SORL1: variants seen among roughly 807,000 people sequenced by gnomAD.
SORL1 encodes sortilin related receptor 1, also known as sortilin-related receptor.
Under a neutral mutation model 273.7 loss-of-function variants are expected in SORL1, and 127 were observed. The observed-to-expected ratio is 0.46, with a 90% confidence interval of 0.40 to 0.54. The LOEUF is 0.54. SORL1 is among the 20% of genes least tolerant of loss of function. SORL1 has a pLI of 0.00. For missense variants in SORL1, 2,494 were observed against 2,846.1 expected (o/e 0.88, Z 2.81); for synonymous variants, 1,031 against 1,067.4 (o/e 0.97, Z 0.66).
chr11:121,464,312 C>T (rs1004404058), intron 1 of SORL1, among the ~76,000 whole-genome samples: 5 of 152,158 alleles, frequency 3.3e-5, no homozygotes, highest in Non-Finnish European at 5.9e-5. Flanking sequence ...ATACAGATTT[C>T]GGTGGTTTTA....
intron 32 of SORL1, among the ~76,000 whole-genome samples, chr11:121,602,945 G>C (rs966972219): frequency 2.6e-5 from 4 of 152,200 alleles, no homozygotes; most frequent in African/African-American, 9.7e-5. Context: ...CTCATGTTCA[G>C]CCTCCTTTTG....
intron 12 of SORL1, among the ~76,000 whole-genome samples, chr11:121,536,735 C>A (rs568139439): frequency 1.3e-5 from 2 of 151,880 alleles, no homozygotes; most frequent in African/African-American, 4.8e-5. Context: ...GTTAAGAAAC[C>A]GAGAAACGGA....
In SORL1 at chr11:121,573,472, G is replaced by C. The variant is rs370008213; in HGVS notation, c.3338-769G>C. The stretch of plus-strand genomic sequence containing the variant: ...ACTAAAAATACAAAAATTAACTGGG[G>C]CTGGTGGTGGGTGCCTGTAATCCCA... On this transcript the variant is annotated intron_variant, in intron 23 of 47. Coordinates refer to ENST00000260197, the MANE Select transcript of SORL1 (RefSeq NM_003105.6). Among the ~76,000 whole-genome samples the C allele has an allele frequency of 7.9e-5, 12 of 152,232 alleles. No individual in the cohort carries two copies. In the East Asian group the frequency reaches 2.3e-3, roughly 29 times the overall value.
At chr11:121,545,534 A>G (rs950414887) in intron 14 of SORL1, 105 bp downstream of exon 14, 38 of 1,005,544 alleles carry the variant, frequency 3.8e-5, no homozygotes, top group Non-Finnish European at 5.2e-5. Context: ...AAGGAAGGGA[A>G]TAGAAGGAAA....
At chr11:121,533,413 A>C (rs1862228822) in intron 12 of SORL1, among the ~76,000 whole-genome samples, 1 of 152,160 alleles carries the variant, frequency 6.6e-6, no homozygotes, top group African/African-American at 2.4e-5. Context: ...CATTCTTTGC[A>C]ATATATTGTT....
intron 22 of SORL1, among the ~76,000 whole-genome samples, 188 bp from the exon 23 acceptor site, chr11:121,569,969 C>T (rs1434142073): frequency 6.6e-6 from 1 of 152,060 alleles, no homozygotes; most frequent in Non-Finnish European, 1.5e-5. Context: ...ATTTCTCAGA[C>T]CGGCCGACAC....
chr11:121,523,001 C>A lies in SORL1; in HGVS notation c.1596+12C>A, dbSNP rs749675000. On this transcript the variant is annotated intron_variant, in intron 11 of 47. Transcript: ENST00000260197. ...CCAGGTGGCGAGAGGTCAGCCCCCT[C>A]CCCCAATCCCGTCCCCTCCACCCTC... 3.8e-6 allele frequency: 6 copies of A among 1,573,050 alleles called. No individual in the cohort carries two copies. Among genetic ancestry groups the A allele is most frequent in the Non-Finnish European group, 5.2e-6 (6 of 1,142,924 alleles).
At chr11:121,461,263 G>A (rs1241589924) in intron 1 of SORL1, among the ~76,000 whole-genome samples, 1 of 152,170 alleles carries the variant, frequency 6.6e-6, no homozygotes, top group Non-Finnish European at 1.5e-5. Context: ...GTGGTGATGG[G>A]TGGGCTGGAG....
At chr11:121,600,780 C>T (rs1450863270) in intron 32 of SORL1, among the ~76,000 whole-genome samples, 1 of 152,242 alleles carries the variant, frequency 6.6e-6, no homozygotes, top group Non-Finnish European at 1.5e-5. Flanking sequence ...CCCCTGAAGG[C>T]GACTAAGTTC....
At chr11:121,489,906 G>C (rs950218259) in intron 4 of SORL1, 137 bp from the exon 5 acceptor site, 4 of 651,216 alleles carry the variant, frequency 6.1e-6, no homozygotes, top group Non-Finnish European at 1.1e-5. Flanking sequence ...GAGCAACTGA[G>C]CTGGCTTTGG....
At chr11:121,589,236 A>T in intron 28 of SORL1, 23 bp from the exon 29 acceptor site, 2 of 1,611,572 alleles carry the variant, frequency 1.2e-6, no homozygotes, top group Non-Finnish European at 1.7e-6. Context: ...CCTGGACTTC[A>T]TGGATGTTTG....
intron 23 of SORL1, among the ~76,000 whole-genome samples, chr11:121,570,667 G>A (rs1862827516): frequency 6.6e-6 from 1 of 152,176 alleles, no homozygotes; most frequent in African/African-American, 2.4e-5. Context: ...AGCCTTTTTA[G>A]GGATGGGAAA....
At chr11:121,571,814 G>A (rs959237277) in intron 23 of SORL1, among the ~76,000 whole-genome samples, 17 of 152,176 alleles carry the variant, frequency 1.1e-4, no homozygotes, top group African/African-American at 3.6e-4. Context: ...CTTTCACACC[G>A]AGGGAGTAGA....
In SORL1 at chr11:121,452,945, T is replaced by G. The variant is rs775054510; in HGVS notation, c.285+329T>G. On this transcript the variant is annotated intron_variant, in intron 1 of 47. Coordinates refer to ENST00000260197, the MANE Select transcript of SORL1 (RefSeq NM_003105.6). The surrounding 1 kb of genome is among the most constrained non-coding windows in gnomAD (Gnocchi z 5.3). ...CATCTGGATAAAAAACGGGCTTTCT[T>G]TAGTGTATCATCAGTTGGCAGTGGA... is the stretch of plus-strand genomic sequence containing the variant. 9 of 264,912 alleles carry G rather than the reference T, an allele frequency of 3.4e-5. No individual in the cohort carries two copies. Among genetic ancestry groups the G allele is most frequent in the Non-Finnish European group, 6.4e-5 (9 of 140,462 alleles). The allele number at this position is 264,912 out of a possible 1,614,324, so 16.4% of individuals were successfully genotyped here.
chr11:121,532,074 G>C (rs1862210088), intron 11 of SORL1, among the ~76,000 whole-genome samples: 1 of 152,216 alleles, frequency 6.6e-6, no homozygotes, highest in Admixed American at 6.5e-5. Flanking sequence ...GTAATTAGCA[G>C]GAAGGATGGG....
At chr11:121,617,105 T>C (rs550267121) in intron 41 of SORL1, among the ~76,000 whole-genome samples, 98 of 152,368 alleles carry the variant, frequency 6.4e-4, no homozygotes, top group African/African-American at 2.2e-3. Context: ...ACCAAGGTTC[T>C]TTTGACGTCT....
Position 121,548,077 on chromosome 11 carries a change from A to G in SORL1, c.2052-1883A>G, listed in dbSNP as rs568873594. On this transcript the variant is annotated intron_variant, in intron 14 of 47. Transcript: ENST00000260197. ...TTCTTGACTGCAACCCCTAGTAAAT[A>G]ATACATTTTCTCTTATGACCCTGTA... is the stretch of plus-strand genomic sequence containing the variant. Among the ~76,000 whole-genome samples, 38 of 152,346 alleles carry G rather than the reference A, an allele frequency of 2.5e-4. 1 individual carries two copies. In the South Asian group the frequency reaches 7.9e-3, roughly 32 times the overall value.
chr11:121,510,627 A>T (rs1461157496), intron 6 of SORL1, among the ~76,000 whole-genome samples: 1 of 152,184 alleles, frequency 6.6e-6, no homozygotes, highest in East Asian at 1.9e-4. Flanking sequence ...ATTGACTAGT[A>T]CTTAGTCACG....
chr11:121,475,770 G>A (rs1006348241), intron 2 of SORL1, among the ~76,000 whole-genome samples: 1 of 152,194 alleles, frequency 6.6e-6, no homozygotes, highest in Non-Finnish European at 1.5e-5. Flanking sequence ...GTATGACCCG[G>A]AGCTAGCCAT....
Sources: gnomAD v4.1 joint callset for allele counts (sites outside exome capture counted in the v4.1 genomes callset) on GRCh38, gnomAD v4.1.1 for gene constraint, Gnocchi (gnomAD v3.1) non-coding constraint, MANE v1.5 for transcripts, NCBI Gene and HGNC (gene_info 2026-07-23, HGNC 2026-07-21) for gene names.